The following TCF20 variants were observed in gnomAD, a reference collection of about 807,000 sequenced individuals.
TCF20 encodes SPRE-binding protein.
A neutral mutation model predicts 148.6 loss-of-function variants in TCF20; 3 were observed. That is an observed-to-expected ratio of 0.02 (90% CI 0.01 to 0.05). The LOEUF (loss-of-function observed/expected upper bound fraction) is 0.05. Among genes scored for constraint, TCF20 ranks in the 10% least tolerant of loss-of-function variants. The pLI, the probability that TCF20 is intolerant of heterozygous loss-of-function variation, is 1.00. For missense variants in TCF20, 2,350 were observed against 2,429.3 expected (o/e 0.97, Z 0.69); for synonymous variants, 1,049 against 909.5 (o/e 1.15, Z -2.76).
intron 2 of TCF20, among the ~76,000 whole-genome samples, chr22:42,199,919 G>C (rs1937880096): frequency 6.7e-6 from 1 of 149,490 alleles, no homozygotes; most frequent in South Asian, 2.1e-4. Context: ...GAATAATTAT[G>C]ATGATAGCTT....
At position 42,297,911 on chromosome 22, in the gene TCF20, A is replaced by G. The variant is rs1927264478; in HGVS notation, c.-37+45568T>C. ...TGGCACCCATGCAGAGCAGGCAAGG[A>G]TGAACATGTGCTGGTTTCAGGGCTG... On this transcript the variant is annotated intron_variant, in intron 1 of 1. Transcript: ENST00000515426. This position sits in a 1 kb window ranked among gnomAD's most constrained non-coding sequence, Gnocchi z 4.3. Among the ~76,000 whole-genome samples, 1 of 152,138 alleles carries G rather than the reference A, an allele frequency of 6.6e-6. No homozygotes were observed. Among genetic ancestry groups the G allele is most frequent in the African/African-American group, 2.4e-5 (1 of 41,438 alleles).
chr22:42,252,222 G>A (rs905767528), intron 1 of TCF20, among the ~76,000 whole-genome samples: 2 of 151,102 alleles, frequency 1.3e-5, no homozygotes, highest in African/African-American at 2.4e-5. Flanking sequence ...AAGAGACAGA[G>A]GTTGCAGTGA....
Position 42,212,411 on chromosome 22 carries a change from G to A in TCF20, c.2895C>T (p.Ala965=). 2 of 1,614,232 alleles carry A rather than the reference G, an allele frequency of 1.2e-6. No individual in the cohort carries two copies. The highest frequency in any genetic ancestry group is 1.7e-6 in the Non-Finnish European group (2 of 1,180,046). Residue 965 remains alanine, a synonymous_variant, in exon 2 of 6, where the codon GCC becomes GCT. Coordinates refer to ENST00000677622, the MANE Select transcript of TCF20 (RefSeq NM_001378418.1). The part of the protein sequence containing the change: ...SIKHESYRGN[A]SPGAATHDSL... ...AATCATGGGTTGCTGCTCCAGGGCT[G>A]GCATTGCCGCGGTAAGACTCATGCT...
chr22:42,211,212 C>T lies in TCF20; in HGVS notation c.4094G>A (p.Arg1365Lys). ...IVQKITSPNI[R>K]RSASSNSAEA... is the part of the protein sequence containing the mutation. ...CGCACTGTTCGAAGATGCGCTCCTC[C>T]TAATATTTGGGGATGTAATCTTCTG... Residue 1365 changes from arginine to lysine, a missense_variant, in exon 2 of 6, where the codon AGG becomes AAG. Physicochemically the swap from Arg to Lys is conservative, Grantham distance 26. Coordinates refer to ENST00000677622, the MANE Select transcript of TCF20 (RefSeq NM_001378418.1). The T allele has an allele frequency of 6.2e-7, 1 of 1,614,186 alleles. No homozygotes were observed. The highest frequency in any genetic ancestry group is 8.5e-7 in the Non-Finnish European group (1 of 1,180,042).
intron 1 of TCF20, among the ~76,000 whole-genome samples, chr22:42,340,896 C>G (rs1046999547): frequency 1.5e-5 from 2 of 135,838 alleles, no homozygotes; most frequent in East Asian, 5.1e-4. Flanking sequence ...CCCCCCCCCA[C>G]CCCAACCAGC....
At chr22:42,325,210 T>C (rs1256399333) in intron 1 of TCF20, among the ~76,000 whole-genome samples, 1 of 152,234 alleles carries the variant, frequency 6.6e-6, no homozygotes, top group Non-Finnish European at 1.5e-5. Flanking sequence ...TACTCTATGG[T>C]GCTGGAGCCA....
At position 42,212,891 on chromosome 22, in the gene TCF20, G is replaced by C. The variant is rs1258371235; in HGVS notation, c.2415C>G (p.Asn805Lys). 6 of 1,614,008 alleles carry C rather than the reference G, an allele frequency of 3.7e-6. No individual in the cohort carries two copies. Among genetic ancestry groups the C allele is most frequent in the African/African-American group, 1.3e-5 (1 of 74,916 alleles). The change falls in exon 2 of 6, where the codon AAC becomes AAG. Residue 805 changes from asparagine (N) to lysine (K), a missense_variant. Around this residue, in one of 7 missense-constraint regions of TCF20, gnomAD observed 1,641 missense variants for 1,662.6 expected, o/e 0.99. Transcript: ENST00000677622. ...TTTCTAATAGAGACCCAATGCTTTT[G>C]TTCAGAAGGCCCCTGCTAGCTAATT... ...TNELASRGLL[N>K]KSIGSLLENP... is the part of the protein sequence containing the mutation.
At chr22:42,163,590 A>T (rs1319747283) in intron 5 of TCF20, among the ~76,000 whole-genome samples, 2 of 152,248 alleles carry the variant, frequency 1.3e-5, no homozygotes, top group South Asian at 2.1e-4. Context: ...GCTAAAGCTC[A>T]GGAAGGCGAC....
Position 42,270,402 on chromosome 22 carries a change from C to G in TCF20, c.-100G>C, listed in dbSNP as rs1926542292. On this transcript the variant is annotated 5_prime_UTR_variant, in exon 1 of 6. Coordinates refer to ENST00000677622, the MANE Select transcript of TCF20 (RefSeq NM_001378418.1). ...GGGGCGGGCGGGGAGGGAGCGGTGG[C>G]GACGGCGGGCGGCGCTGCGCGGGGT... Among the ~76,000 whole-genome samples, 1 of 148,306 alleles carries G rather than the reference C, an allele frequency of 6.7e-6. No homozygotes were observed. Among genetic ancestry groups the G allele is most frequent in the Admixed American group, 6.7e-5 (1 of 14,986 alleles).
intron 1 of TCF20, among the ~76,000 whole-genome samples, chr22:42,249,917 G>A (rs576110508): frequency 2.0e-5 from 3 of 152,068 alleles, no homozygotes; most frequent in African/African-American, 7.2e-5. Flanking sequence ...CCACAGAAGT[G>A]CATTATCACA....
rs1928107503 is a variant in TCF20 at position 42,338,525 on chromosome 22, G to C, written c.-37+4954C>G. Among the ~76,000 whole-genome samples the C allele has an allele frequency of 6.6e-6, 1 of 152,258 alleles. No individual in the cohort carries two copies. The highest frequency in any genetic ancestry group is 2.4e-5 in the African/African-American group (1 of 41,476). ...AGAGCTCGCTCAGGGGCTGCGAGTG[G>C]AAGGGCTGGGAAAATAATTACCGAG... is the stretch of plus-strand genomic sequence containing the variant. On this transcript the variant is annotated intron_variant, in intron 1 of 1. Coordinates refer to the TCF20 transcript ENST00000515426. The surrounding 1 kb of genome is among the most constrained non-coding windows in gnomAD (Gnocchi z 4.0).
chr22:42,300,210 C>A (rs1049993480), intron 1 of TCF20, among the ~76,000 whole-genome samples: 8 of 151,974 alleles, frequency 5.3e-5, no homozygotes, highest in African/African-American at 1.7e-4. Flanking sequence ...CCTGTTCCCC[C>A]AAGGAGAGCG....
intron 1 of TCF20, among the ~76,000 whole-genome samples, chr22:42,215,839 A>C (rs1921713662): frequency 6.6e-6 from 1 of 152,088 alleles, no homozygotes; most frequent in African/African-American, 2.4e-5. Context: ...AAATGGCCTA[A>C]AGAGTGAGGC....
At chr22:42,316,300 G>C (rs1228611618) in intron 1 of TCF20, among the ~76,000 whole-genome samples, 1 of 152,038 alleles carries the variant, frequency 6.6e-6, no homozygotes, top group Non-Finnish European at 1.5e-5. Flanking sequence ...TCCAGGGCCA[G>C]AGTGGTGATG....
intron 2 of TCF20, among the ~76,000 whole-genome samples, chr22:42,199,998 T>A (rs1218082235): frequency 6.6e-6 from 1 of 152,144 alleles, no homozygotes; most frequent in Non-Finnish European, 1.5e-5. Flanking sequence ...ACCTCATGAT[T>A]TCCTATTTTT....
intron 4 of TCF20, among the ~76,000 whole-genome samples, chr22:42,169,541 G>C (rs1294802849): frequency 6.6e-6 from 1 of 152,222 alleles, no homozygotes; most frequent in Non-Finnish European, 1.5e-5. Flanking sequence ...TTCACCTCAA[G>C]TGGAAATCAG....
chr22:42,270,616 G>GT lies in TCF20; in HGVS notation c.-315dup, dbSNP rs1181624592. On this transcript the variant is annotated 5_prime_UTR_variant, in exon 1 of 6. It removes the in-frame stop codon of an upstream open reading frame in the 5' UTR. Coordinates refer to ENST00000677622, the MANE Select transcript of TCF20 (RefSeq NM_001378418.1). ...GGGGCCGAAAGCGGCTGGGCTCGGG[G>GT]TTTTTTCTCTCCATTCTCCCAACAC... is the stretch of plus-strand genomic sequence containing the variant. Among the ~76,000 whole-genome samples the GT allele has an allele frequency of 2.1e-5, 3 of 144,444 alleles. No individual in the cohort carries two copies. The highest frequency in any genetic ancestry group is 4.6e-5 in the Non-Finnish European group (3 of 65,256). The allele number at this position is 144,444 out of a possible 152,430, so 94.8% of individuals were successfully genotyped here. A position where few individuals can be genotyped will look rare whatever the true frequency, so the allele number is the denominator to read the frequency against.
intron 1 of TCF20, chr22:42,278,106 GC>G (rs1242929220): frequency 1.3e-5 from 2 of 152,262 alleles, no homozygotes; most frequent in Non-Finnish European, 2.9e-5. Context: ...GCCCTTGAGA[GC>G]CAAGCTGGCA....
At chr22:42,331,152 C>T (rs1382064310) in intron 1 of TCF20, among the ~76,000 whole-genome samples, 3 of 152,244 alleles carry the variant, frequency 2.0e-5, no homozygotes, top group Non-Finnish European at 4.4e-5. Context: ...AGGGTAATCA[C>T]GGGCTCCCCT....
Sources: gnomAD v4.1 joint callset for allele counts (sites outside exome capture counted in the v4.1 genomes callset) on GRCh38, gnomAD v4.1.1 for gene constraint, gnomAD v4.1.1 regional missense constraint, Gnocchi (gnomAD v3.1) non-coding constraint, MANE v1.5 for transcripts, NCBI Gene and HGNC (gene_info 2026-07-23, HGNC 2026-07-21) for gene names.